The following HDAC9 variants were observed in gnomAD, a reference collection of about 807,000 sequenced individuals.
HDAC9 encodes the protein histone deacetylase 9, also known as MEF-2 interacting transcription repressor (MITR) protein.
Under a neutral mutation model 139.4 loss-of-function variants are expected in HDAC9, and 41 were observed. That is an observed-to-expected ratio of 0.29 (90% CI 0.23 to 0.38). The LOEUF (loss-of-function observed/expected upper bound fraction) is 0.38. Ranked by LOEUF, HDAC9 falls within the 10% of genes least tolerant of loss-of-function variation. The pLI is 1.00. For synonymous variants in HDAC9, 517 were observed against 476.2 expected (o/e 1.09, Z -1.12); for missense variants, 1,147 against 1,297.0 (o/e 0.88, Z 1.78).
intron 21 of HDAC9, among the ~76,000 whole-genome samples, chr7:18,861,694 A>G (rs1247905926): frequency 6.6e-6 from 1 of 152,190 alleles, no homozygotes; most frequent in East Asian, 1.9e-4. Context: ...TTAGGCAAGG[A>G]AAGTCCCTCA....
chr7:18,974,426 C>T (rs1350233447), intron 24 of HDAC9, among the ~76,000 whole-genome samples: 1 of 152,206 alleles, frequency 6.6e-6, no homozygotes, highest in Non-Finnish European at 1.5e-5. Context: ...ACTAACAGGG[C>T]TGTCTCAACT....
intron 12 of HDAC9, among the ~76,000 whole-genome samples, chr7:18,705,440 T>C (rs997852414): frequency 4.6e-5 from 7 of 152,032 alleles, no homozygotes; most frequent in Non-Finnish European, 7.4e-5. Flanking sequence ...TGGGATAGAG[T>C]GTGGAGCAGG....
intron 12 of HDAC9, among the ~76,000 whole-genome samples, chr7:18,699,487 A>T (rs1314167289): frequency 6.6e-6 from 1 of 152,174 alleles, no homozygotes; most frequent in African/African-American, 2.4e-5. Flanking sequence ...CTTAGTGCAA[A>T]TAAGAAGTGT....
At chr7:18,830,956 A>C (rs1436111545) in intron 19 of HDAC9, among the ~76,000 whole-genome samples, 1 of 152,266 alleles carries the variant, frequency 6.6e-6, no homozygotes, top group Non-Finnish European at 1.5e-5. Flanking sequence ...TTTGTAAGAT[A>C]TTAAAACTTT....
intron 1 of HDAC9, chr7:18,430,380 C>G (rs555115630): frequency 1.3e-5 from 2 of 152,196 alleles, no homozygotes; most frequent in Non-Finnish European, 2.9e-5. Flanking sequence ...CGTGCTACAA[C>G]ACCTGGCTAA....
intron 1 of HDAC9, among the ~76,000 whole-genome samples, chr7:18,362,973 A>G (rs1340280082): frequency 6.6e-6 from 1 of 152,194 alleles, no homozygotes; most frequent in East Asian, 1.9e-4. Context: ...GATTGATTCA[A>G]ATACCTGGAG....
rs1015339348 is a variant in HDAC9, at chr7:18,495,865, T to C, written c.-200T>C. On this transcript the variant is annotated 5_prime_UTR_variant, in exon 1 of 26. Transcript: ENST00000686413. The stretch of plus-strand genomic sequence containing the variant: ...AGAACTCTAAGCCAGGTTTAATTGG[T>C]TTCTTTTTCTCGTGGGTAGACTTAA... The C allele has an allele frequency of 2.8e-6, 3 of 1,090,574 alleles. No homozygotes were observed. Among genetic ancestry groups the C allele is most frequent in the Admixed American group, 1.0e-4 (2 of 20,054 alleles). The allele number at this position is 1,090,574 out of a possible 1,614,324, so 67.6% of individuals were successfully genotyped here. A position where few individuals can be genotyped will look rare whatever the true frequency, so the allele number is the denominator to read the frequency against.
At chr7:18,135,255 CT>C (rs145963913) in intron 1 of HDAC9, among the ~76,000 whole-genome samples, 51,967 of 129,268 alleles carry the variant, frequency 0.4, 11,878 homozygotes, top group African/African-American at 0.68. Context: ...AAATTTCTTT[CT>C]TTTTTTTTTT....
chr7:18,264,232 G>T lies in HDAC9; in HGVS notation c.25+101883G>T, dbSNP rs547520108. Among the ~76,000 whole-genome samples, 6 of 152,182 alleles carry T rather than the reference G, an allele frequency of 3.9e-5. No individual in the cohort carries two copies. The South Asian group carries it at 6.2e-4, about 16-fold the overall frequency. On this transcript the variant is annotated intron_variant, in intron 2 of 12. Transcript: ENST00000417496. ...CAGTGGAATACATATTCTTCTCAGT[G>T]CTCAAGGACTATTCCAGGCTAAGCC... is the stretch of plus-strand genomic sequence containing the variant.
At chr7:18,346,805 A>G (rs1352676343) in intron 1 of HDAC9, among the ~76,000 whole-genome samples, 1 of 152,146 alleles carries the variant, frequency 6.6e-6, no homozygotes, top group Admixed American at 6.6e-5. Context: ...ATCTCATAGC[A>G]ACAGGAGAAA....
chr7:18,439,925 A>C (rs1417756137), intron 1 of HDAC9, among the ~76,000 whole-genome samples: 1 of 152,142 alleles, frequency 6.6e-6, no homozygotes, highest in African/African-American at 2.4e-5. Flanking sequence ...AACTGCTTTC[A>C]CTTAATGATA....
At chr7:18,860,642 G>C (rs1014866730) in intron 21 of HDAC9, among the ~76,000 whole-genome samples, 18 of 151,910 alleles carry the variant, frequency 1.2e-4, no homozygotes, top group Non-Finnish European at 4.4e-5. Context: ...TGGGCTAAAA[G>C]AGGATAAAAT....
rs1292015365 is a variant in HDAC9 at position 18,209,485 on chromosome 7, T to TA, written c.25+47138dup. Among the ~76,000 whole-genome samples the TA allele has an allele frequency of 2.0e-5, 3 of 152,318 alleles. No homozygotes were observed. In the East Asian group the frequency reaches 5.8e-4, roughly 29 times the overall value. On this transcript the variant is annotated intron_variant, in intron 2 of 12. Transcript: ENST00000417496. ...AAGATATAGTCTTCTCTTTGATTATTAATTACTCTGGTGTGAACTGTGATC... is the reference window on the plus strand; with the variant it reads ...AAGATATAGTCTTCTCTTTGATTATTAAATTACTCTGGTGTGAACTGTGATC...
chr7:18,471,460 G>C (rs904274313), intron 1 of HDAC9, among the ~76,000 whole-genome samples: 7 of 152,086 alleles, frequency 4.6e-5, no homozygotes, highest in Admixed American at 2.0e-4. Context: ...CAACATTCAT[G>C]GTTCCAAAGC....
chr7:18,944,175 A>AT (rs2129316946), intron 23 of HDAC9, among the ~76,000 whole-genome samples: 1 of 152,284 alleles, frequency 6.6e-6, no homozygotes, highest in East Asian at 1.9e-4. Context: ...TCACTAGGGA[A>AT]TTGATAATAG....
At chr7:18,366,778 C>T (rs1585402299) in intron 1 of HDAC9, among the ~76,000 whole-genome samples, 1 of 152,200 alleles carries the variant, frequency 6.6e-6, no homozygotes, top group East Asian at 1.9e-4. Flanking sequence ...TCACCTGGCT[C>T]ATATTTCATT....
At chr7:18,439,858 G>T (rs79699545) in intron 1 of HDAC9, among the ~76,000 whole-genome samples, 4,545 of 152,086 alleles carry the variant, frequency 0.03, 80 homozygotes, top group African/African-American at 0.05. Flanking sequence ...CACACAAAAT[G>T]TAAAATGTAT....
At chr7:18,452,220 A>G (rs1300315882) in intron 1 of HDAC9, among the ~76,000 whole-genome samples, 6 of 152,160 alleles carry the variant, frequency 3.9e-5, no homozygotes, top group Admixed American at 2.0e-4. Flanking sequence ...CCTGAGCCTC[A>G]TGTAGTGATC....
chr7:18,244,671 G>A (rs1195448180), intron 2 of HDAC9, among the ~76,000 whole-genome samples: 1 of 152,042 alleles, frequency 6.6e-6, no homozygotes, highest in Non-Finnish European at 1.5e-5. Flanking sequence ...GGTGGCGGGC[G>A]CCTGTAGTCC....
Sources: allele counts gnomAD v4.1 joint callset (sites outside exome capture counted in the v4.1 genomes callset), GRCh38; gene constraint gnomAD v4.1.1; transcripts MANE v1.5; gene names NCBI Gene and HGNC (gene_info 2026-07-23, HGNC 2026-07-21).